The following TPST1 variants were observed in gnomAD, a reference collection of about 807,000 sequenced individuals.
TPST1 encodes tyrosylprotein sulfotransferase 1, also known as protein-tyrosine sulfotransferase 1.
A neutral mutation model predicts 34.8 loss-of-function variants in TPST1; 20 were observed. The ratio of observed to expected loss-of-function variants is 0.57; its 90% CI spans 0.40 to 0.84. The LOEUF (loss-of-function observed/expected upper bound fraction) is 0.84. Among genes scored for constraint, TPST1 ranks in the 40% least tolerant of loss-of-function variants. TPST1 has a pLI of 0.00. For missense variants in TPST1, 353 were observed against 455.5 expected (o/e 0.78, Z 2.05); for synonymous variants, 152 against 159.4 (o/e 0.95, Z 0.35).
At position 66,356,816 on chromosome 7, in the gene TPST1, C is replaced by G. The variant is rs1792591617; in HGVS notation, c.1096-9C>G. 1 of 1,614,020 alleles carries G rather than the reference C, an allele frequency of 6.2e-7. No individual in the cohort carries two copies. Among genetic ancestry groups the G allele is most frequent in the African/African-American group, 1.3e-5 (1 of 74,920 alleles). ...AGGACATTAAAACATCTTTTCTTTC[C>G]TTCAACAGACTGAGCAAGTGGAGTA... On this transcript the variant is annotated splice_polypyrimidine_tract_variant and intron_variant, in intron 4 of 5. Transcript: ENST00000304842.
intron 3 of TPST1, among the ~76,000 whole-genome samples, chr7:66,299,031 C>T (rs919700938): frequency 1.3e-4 from 19 of 151,596 alleles, no homozygotes; most frequent in Non-Finnish European, 2.5e-4. Context: ...GAGGCTGAGG[C>T]AGGAGAATGG....
intron 2 of TPST1, among the ~76,000 whole-genome samples, chr7:66,244,152 G>A (rs1045504420): frequency 2.6e-5 from 4 of 151,608 alleles, no homozygotes; most frequent in Admixed American, 2.0e-4. Flanking sequence ...ACAGGGTTTC[G>A]CCATGTTAGC....
chr7:66,253,594 C>A (rs947249542), intron 2 of TPST1, among the ~76,000 whole-genome samples: 6 of 151,426 alleles, frequency 4.0e-5, no homozygotes, highest in Non-Finnish European at 5.9e-5. Context: ...GATGGTCTCT[C>A]TCTCCTGACC....
chr7:66,277,473 T>C (rs572802553), intron 2 of TPST1, among the ~76,000 whole-genome samples: 1 of 152,226 alleles, frequency 6.6e-6, no homozygotes, highest in Non-Finnish European at 1.5e-5. Context: ...TTTTGGAGTT[T>C]GTGAGCTACT....
At chr7:66,299,371 G>C (rs1791267905) in intron 3 of TPST1, among the ~76,000 whole-genome samples, 1 of 147,956 alleles carries the variant, frequency 6.8e-6, no homozygotes, top group Non-Finnish European at 1.5e-5. Context: ...GCTGGACATA[G>C]AGTTCTAGGC....
At position 66,286,149 on chromosome 7, in the gene TPST1, C is replaced by CT. The variant is rs903300345; in HGVS notation, c.846-354dup. Reference sequence around the variant, plus strand: ...TCCCTCTTTCCATCCATCAGTCTGTCTTTTTTTTGGTAAGCATTTCAAGTA... The same window carrying CT: ...TCCCTCTTTCCATCCATCAGTCTGTCTTTTTTTTTGGTAAGCATTTCAAGTA... On this transcript the variant is annotated intron_variant, in intron 2 of 5. Transcript: ENST00000304842. 3.3e-5 allele frequency among the ~76,000 whole-genome samples: 5 copies of CT among 151,986 alleles called. 1 individual carries two copies. Among genetic ancestry groups the CT allele is most frequent in the African/African-American group, 9.7e-5 (4 of 41,374 alleles).
intron 2 of TPST1, among the ~76,000 whole-genome samples, chr7:66,256,389 A>G (rs767824259): frequency 6.6e-6 from 1 of 152,234 alleles, no homozygotes; most frequent in Non-Finnish European, 1.5e-5. Flanking sequence ...TGTGTCAGGA[A>G]TATGGACACA....
intron 1 of TPST1, among the ~76,000 whole-genome samples, chr7:66,217,767 G>A (rs1789455397): frequency 6.6e-6 from 1 of 151,726 alleles, no homozygotes; most frequent in African/African-American, 2.4e-5. Context: ...TGTATTTTTA[G>A]TAGAGGTGGG....
At chr7:66,247,621 G>A (rs1221350210) in intron 2 of TPST1, among the ~76,000 whole-genome samples, 6 of 152,152 alleles carry the variant, frequency 3.9e-5, no homozygotes, top group Non-Finnish European at 8.8e-5. Context: ...ACAGATAAAG[G>A]GAAGCGCATT....
At chr7:66,329,330 GA>G (rs1288160235) in intron 3 of TPST1, among the ~76,000 whole-genome samples, 15 of 152,174 alleles carry the variant, frequency 9.9e-5, no homozygotes, top group African/African-American at 2.9e-4. Flanking sequence ...AACCTGGAAA[GA>G]ATAGTACCAT....
intron 3 of TPST1, among the ~76,000 whole-genome samples, chr7:66,337,629 T>C (rs1459134399): frequency 2.6e-5 from 4 of 152,158 alleles, no homozygotes; most frequent in Non-Finnish European, 5.9e-5. Flanking sequence ...TTAAAAACAG[T>C]AACTACAACG....
intron 2 of TPST1, among the ~76,000 whole-genome samples, chr7:66,283,685 C>A (rs1030877379): frequency 6.6e-6 from 1 of 152,128 alleles, no homozygotes; most frequent in Non-Finnish European, 1.5e-5. Context: ...CAGTGTGAGT[C>A]AATTTAATTT....
intron 2 of TPST1, among the ~76,000 whole-genome samples, chr7:66,270,282 T>C (rs989100586): frequency 3.3e-5 from 5 of 152,188 alleles, no homozygotes; most frequent in African/African-American, 1.2e-4. Context: ...TGGGACCTTG[T>C]AGACCACTGG....
chr7:66,253,739 G>A (rs1270869056), intron 2 of TPST1, among the ~76,000 whole-genome samples: 1 of 151,058 alleles, frequency 6.6e-6, no homozygotes, highest in Non-Finnish European at 1.5e-5. Flanking sequence ...TGCAGTTTTA[G>A]AAAATGTCTT....
At chr7:66,253,660 T>C (rs938576249) in intron 2 of TPST1, among the ~76,000 whole-genome samples, 31 of 151,158 alleles carry the variant, frequency 2.1e-4, no homozygotes, top group Admixed American at 5.9e-4. Context: ...CATGAGCCAC[T>C]GCACCCAGTC....
At chr7:66,264,824 A>G (rs1469057807) in intron 2 of TPST1, among the ~76,000 whole-genome samples, 1 of 152,244 alleles carries the variant, frequency 6.6e-6, no homozygotes, top group Admixed American at 6.5e-5. Context: ...CCCAGACGTT[A>G]GAATTTCTAG....
intron 3 of TPST1, among the ~76,000 whole-genome samples, chr7:66,298,758 C>G (rs1336724357): frequency 6.6e-6 from 1 of 152,002 alleles, no homozygotes; most frequent in African/African-American, 2.4e-5. Flanking sequence ...AGCTATACCT[C>G]TTCTTTTTGT....
intron 2 of TPST1, among the ~76,000 whole-genome samples, chr7:66,261,711 C>G (rs1280952499): frequency 1.3e-5 from 2 of 152,064 alleles, no homozygotes; most frequent in Non-Finnish European, 2.9e-5. Context: ...CAGATCTTGG[C>G]TTTACCACTT....
At chr7:66,258,083 T>A (rs1005391017) in intron 2 of TPST1, among the ~76,000 whole-genome samples, 1 of 152,218 alleles carries the variant, frequency 6.6e-6, no homozygotes, top group Non-Finnish European at 1.5e-5. Context: ...GATTTTTATA[T>A]CTATTTCATG....
Sources: allele counts gnomAD v4.1 joint callset (sites outside exome capture counted in the v4.1 genomes callset), GRCh38; gene constraint gnomAD v4.1.1; transcripts MANE v1.5; gene names NCBI Gene and HGNC (gene_info 2026-07-23, HGNC 2026-07-21).